Variants in AHI1 observed in about 807,000 individuals in gnomAD.
AHI1 encodes the protein Abelson helper integration site 1.
In AHI1, 123 loss-of-function variants were observed where a neutral mutation model predicts 149.3. The ratio of observed to expected loss-of-function variants is 0.82; its 90% CI spans 0.71 to 0.96. The LOEUF is 0.96. AHI1 is among the 40% of genes least tolerant of loss of function. AHI1 has a pLI of 0.00. For synonymous variants in AHI1, 475 were observed against 459.8 expected, an observed-to-expected ratio of 1.03 and a Z score of -0.42; for missense variants, 1,439 against 1,422.7, an observed-to-expected ratio of 1.01 and a Z score of -0.18.
At chr6:135,364,923 G>C (rs958367386) in intron 23 of AHI1, among the ~76,000 whole-genome samples, 1 of 148,158 alleles carries the variant, frequency 6.7e-6, no homozygotes, top group Non-Finnish European at 1.5e-5. Flanking sequence ...GGAAGAGGAA[G>C]AGGGAGAGGG....
rs573569439 is a variant in AHI1, at chr6:135,301,299, G to C, written c.3427-741C>G. ...CAAAGAAAATATAAATTGTTACTAT[G>C]TTTAAGTTCAATAATATACAAATGA... is the stretch of plus-strand genomic sequence containing the variant. On this transcript the variant is annotated intron_variant, in intron 26 of 28. Coordinates refer to ENST00000265602, the MANE Select transcript of AHI1 (RefSeq NM_001134831.2). 2.3e-4 allele frequency: 223 copies of C among 974,560 alleles called. No individual in the cohort carries two copies. In the African/African-American group the frequency reaches 3.6e-3, roughly 16 times the overall value. 60.4% of individuals were successfully genotyped at this position (974,560 alleles called of 1,614,324 possible).
intron 26 of AHI1, chr6:135,301,282 A>G: frequency 1.0e-6 from 1 of 980,798 alleles, no homozygotes; most frequent in Non-Finnish European, 1.2e-6. Flanking sequence ...CACAAAGAAA[A>G]TATAAATTGT....
intron 3 of AHI1, among the ~76,000 whole-genome samples, chr6:135,493,395 T>A (rs1339574789): frequency 6.6e-6 from 1 of 152,242 alleles, no homozygotes; most frequent in East Asian, 1.9e-4. Flanking sequence ...AAGGAATGAT[T>A]ATGTAAACAT....
chr6:135,429,935 T>C lies in AHI1; in HGVS notation c.2439A>G (p.Lys813=). ...TGTCTTTGGTATGGATTAACAAACGTTTTCCATTGGGATGAATCTCCAAAT... is the reference window on the plus strand; with the variant it reads ...TGTCTTTGGTATGGATTAACAAACGCTTTCCATTGGGATGAATCTCCAAAT... ...ISYLEIHPNG[K]RLLIHTKDST... is the part of the protein sequence containing the mutation. Residue 813 remains lysine, a synonymous_variant, in exon 18 of 29, where the codon AAA becomes AAG. Coordinates refer to ENST00000265602, the MANE Select transcript of AHI1 (RefSeq NM_001134831.2). The C allele has an allele frequency of 6.3e-7, 1 of 1,592,008 alleles. No homozygotes were observed. The highest frequency in any genetic ancestry group is 8.6e-7 in the Non-Finnish European group (1 of 1,167,576).
intron 20 of AHI1, among the ~76,000 whole-genome samples, chr6:135,416,625 A>C (rs1782423570): frequency 1.3e-5 from 2 of 152,070 alleles, no homozygotes; most frequent in Admixed American, 1.3e-4. Flanking sequence ...ATAATTTATA[A>C]AACAATATAG....
At chr6:135,461,722 G>A (rs1236338794) in intron 8 of AHI1, among the ~76,000 whole-genome samples, 2 of 151,800 alleles carry the variant, frequency 1.3e-5, no homozygotes, top group African/African-American at 4.9e-5. Flanking sequence ...TCACACAATG[G>A]ATATCTAAAT....
At chr6:135,469,578 A>C (rs1310310006) in intron 5 of AHI1, among the ~76,000 whole-genome samples, 2 of 151,986 alleles carry the variant, frequency 1.3e-5, no homozygotes, top group Non-Finnish European at 2.9e-5. Flanking sequence ...TTCGAACTAT[A>C]CTGGAGTAAC....
At position 135,475,787 on chromosome 6, in the gene AHI1, A is replaced by G. The variant is rs972524186; in HGVS notation, c.136-8153T>C. Reference sequence around the variant, plus strand: ...TCCCATGCACCTTTTCCCTTTGCTGATTTTAATCTGTATCCTTTTACAGTA... The same window carrying G: ...TCCCATGCACCTTTTCCCTTTGCTGGTTTTAATCTGTATCCTTTTACAGTA... On this transcript the variant is annotated intron_variant, in intron 5 of 28. Coordinates refer to ENST00000265602, the MANE Select transcript of AHI1 (RefSeq NM_001134831.2). Among the ~76,000 whole-genome samples, 6 of 152,192 alleles carry G rather than the reference A, an allele frequency of 3.9e-5. No homozygotes were observed. In the East Asian group the frequency reaches 1.2e-3, roughly 29 times the overall value.
chr6:135,345,242 T>C (rs1391099923), intron 24 of AHI1, among the ~76,000 whole-genome samples: 1 of 152,182 alleles, frequency 6.6e-6, no homozygotes, highest in Non-Finnish European at 1.5e-5. Flanking sequence ...AGTGGTTCAG[T>C]TGCTTTGGAA....
At chr6:135,432,176 C>A (rs574517484) in intron 16 of AHI1, among the ~76,000 whole-genome samples, 1 of 152,156 alleles carries the variant, frequency 6.6e-6, no homozygotes, top group African/African-American at 2.4e-5. Flanking sequence ...TACAGCTGAA[C>A]TGAGTAAATC....
intron 5 of AHI1, among the ~76,000 whole-genome samples, chr6:135,488,057 G>A (rs1794728503): frequency 6.6e-6 from 1 of 151,950 alleles, no homozygotes; most frequent in South Asian, 2.1e-4. Flanking sequence ...TTGTCTTTTG[G>A]ATTTAGTGTT....
intron 27 of AHI1, among the ~76,000 whole-genome samples, chr6:135,292,196 A>G (rs945023701): frequency 6.6e-6 from 1 of 152,022 alleles, no homozygotes. Context: ...TATCCCAGGC[A>G]CTGCCCTACT....
chr6:135,340,874 A>G (rs1790266628), intron 24 of AHI1, among the ~76,000 whole-genome samples: 1 of 151,302 alleles, frequency 6.6e-6, no homozygotes, highest in Non-Finnish European at 1.5e-5. Context: ...TACTACTGAA[A>G]TTAACTTGGT....
At chr6:135,443,202 T>C (rs1398036493) in intron 13 of AHI1, among the ~76,000 whole-genome samples, 1 of 152,230 alleles carries the variant, frequency 6.6e-6, no homozygotes, top group African/African-American at 2.4e-5. Flanking sequence ...CCTTCCAAAA[T>C]GTATTTTCAA....
chr6:135,466,470 T>C (rs1790789235), intron 6 of AHI1, 97 bp from the exon 7 acceptor site: 5 of 1,146,596 alleles, frequency 4.4e-6, no homozygotes, highest in Non-Finnish European at 6.2e-6. Context: ...GTGGAATTAT[T>C]GGGAGGATTA....
intron 2 of AHI1, 124 bp from the exon 3 acceptor site, chr6:135,496,022 ATACT>A (rs1795914390): frequency 6.6e-6 from 1 of 152,256 alleles, no homozygotes; most frequent in Middle Eastern, 3.2e-3. Flanking sequence ...TATAAATCAT[ATACT>A]TATTTACTAT....
intron 5 of AHI1, among the ~76,000 whole-genome samples, chr6:135,488,937 C>A (rs1373591728): frequency 6.6e-6 from 1 of 152,176 alleles, no homozygotes; most frequent in African/African-American, 2.4e-5. Flanking sequence ...AGTTACTTAA[C>A]TTCTGATGTA....
intron 23 of AHI1, among the ~76,000 whole-genome samples, chr6:135,360,066 G>C (rs1793616703): frequency 1.3e-5 from 2 of 151,918 alleles, no homozygotes; most frequent in South Asian, 4.1e-4. Context: ...GTTCAAGCTT[G>C]CAGTAAAAAA....
At chr6:135,385,538 G>T (rs1460188891) in intron 23 of AHI1, among the ~76,000 whole-genome samples, 1 of 152,154 alleles carries the variant, frequency 6.6e-6, no homozygotes, top group African/African-American at 2.4e-5. Context: ...AGCTTGAAAA[G>T]AAGAGATTAG....
Sources: gnomAD v4.1 joint callset for allele counts (sites outside exome capture counted in the v4.1 genomes callset) on GRCh38, gnomAD v4.1.1 for gene constraint, MANE v1.5 for transcripts, NCBI Gene and HGNC (gene_info 2026-07-23, HGNC 2026-07-21) for gene names.